Variants in ATP11A observed in about 807,000 individuals in gnomAD.
ATP11A encodes phospholipid-transporting ATPase IH.
A neutral mutation model predicts 154.4 loss-of-function variants in ATP11A; 81 were observed. The observed-to-expected ratio is 0.52, with a 90% CI of 0.44 to 0.63. The LOEUF is 0.63. Ranked by LOEUF, ATP11A falls within the 30% of genes least tolerant of loss-of-function variation. The pLI, the probability that ATP11A is intolerant of heterozygous loss-of-function variation, is 0.00. For synonymous variants in ATP11A, 623 were observed against 585.9 expected (o/e 1.06, Z -0.91); for missense variants, 1,316 against 1,474.3 (o/e 0.89, Z 1.76).
intron 19 of ATP11A, 72 bp from the exon 20 acceptor site, chr13:112,855,839 A>T: frequency 1.4e-6 from 2 of 1,421,878 alleles, no homozygotes; most frequent in Non-Finnish European, 1.9e-6. Context: ...TCGATATCCA[A>T]AAACAATACA....
chr13:112,856,823 A>G (rs1198683414), intron 20 of ATP11A: 1 of 152,212 alleles, frequency 6.6e-6, no homozygotes, highest in Non-Finnish European at 1.5e-5. Flanking sequence ...TTAAGGTAAA[A>G]TGCGTCTCAC....
At chr13:112,761,218 A>G (rs185744247) in intron 1 of ATP11A, among the ~76,000 whole-genome samples, 82 of 152,310 alleles carry the variant, frequency 5.4e-4, no homozygotes, top group Admixed American at 8.5e-4. Context: ...CCCAAAGCAC[A>G]AGAGCAGTGA....
intron 1 of ATP11A, among the ~76,000 whole-genome samples, chr13:112,783,175 G>A (rs1312657181): frequency 6.6e-6 from 1 of 152,208 alleles, no homozygotes; most frequent in Non-Finnish European, 1.5e-5. Flanking sequence ...CCTCTGAGAG[G>A]TTGGTAGGGG....
intron 1 of ATP11A, among the ~76,000 whole-genome samples, chr13:112,692,875 C>G (rs1885362291): frequency 1.3e-5 from 2 of 152,164 alleles, no homozygotes; most frequent in South Asian, 4.1e-4. Context: ...TTTCCTTTTG[C>G]TACAGAAAAA....
intron 12 of ATP11A, among the ~76,000 whole-genome samples, chr13:112,830,847 A>G (rs1414813871): frequency 6.6e-6 from 1 of 151,984 alleles, no homozygotes; most frequent in Non-Finnish European, 1.5e-5. Flanking sequence ...AACACATATC[A>G]CAGTTTTCTC....
rs149787552 is a variant in ATP11A, at chr13:112,862,513, C to A, written c.2929C>A (p.Leu977Met). Residue 977 changes from leucine to methionine, a missense_variant, in exon 25 of 30, where the codon CTG becomes ATG. Physicochemically the swap from Leu to Met is conservative, Grantham distance 15 (BLOSUM62 2). Transcript: ENST00000375645. ...YWTLLGLFDALVFFFGAYFVF... is the reference protein window; with the variant it reads ...YWTLLGLFDAMVFFFGAYFVF... ...GACGCTCCTGGGACTGTTTGACGCA[C>A]TGGTGTTCTTCTTTGGTGCTTATTT... 3 of 1,614,210 alleles carry A rather than the reference C, an allele frequency of 1.9e-6. No homozygotes were observed. The highest frequency in any genetic ancestry group is 2.7e-5 in the African/African-American group (2 of 75,060).
intron 2 of ATP11A, among the ~76,000 whole-genome samples, 197 bp from the exon 3 acceptor site, chr13:112,804,760 A>G (rs1362229984): frequency 8.5e-5 from 13 of 152,146 alleles, no homozygotes; most frequent in Non-Finnish European, 1.5e-5. Context: ...GGTAATTTAC[A>G]TACGTGTTTC....
At chr13:112,742,615 AT>A (rs1270148687) in intron 1 of ATP11A, among the ~76,000 whole-genome samples, 2 of 152,256 alleles carry the variant, frequency 1.3e-5, no homozygotes, top group African/African-American at 4.8e-5. Flanking sequence ...GCTACCGCTT[AT>A]GCCAGCTACC....
chr13:112,733,845 G>C (rs1428069654), intron 1 of ATP11A, among the ~76,000 whole-genome samples: 1 of 152,058 alleles, frequency 6.6e-6, no homozygotes, highest in African/African-American at 2.4e-5. Flanking sequence ...TCAGTGGACA[G>C]CCAAATCTCA....
At chr13:112,857,955 G>A (rs1594194426) in intron 21 of ATP11A, 35 bp downstream of exon 21, 1 of 1,607,052 alleles carries the variant, frequency 6.2e-7, no homozygotes, top group East Asian at 2.2e-5. Flanking sequence ...ACATCCTGGT[G>A]GCCAGGTCAC....
chr13:112,864,922 C>T (rs184085336), intron 25 of ATP11A, among the ~76,000 whole-genome samples: 7 of 55,550 alleles, frequency 1.3e-4, no homozygotes, highest in Non-Finnish European at 1.2e-4. Flanking sequence ...TCACCACCTG[C>T]GCAGTAATTC....
intron 1 of ATP11A, among the ~76,000 whole-genome samples, chr13:112,699,020 G>A (rs777785935): frequency 1.9e-4 from 29 of 152,190 alleles, no homozygotes; most frequent in Non-Finnish European, 2.2e-4. Flanking sequence ...CAGCCACCGC[G>A]CCTGGTCTTT....
Position 112,802,552 on chromosome 13 carries a change from CAAAAA to C in ATP11A, c.163-2388_163-2384del, listed in dbSNP as rs35889771. 2.7e-3 allele frequency among the ~76,000 whole-genome samples: 222 copies of C among 80,944 alleles called. 1 individual carries two copies. The highest frequency in any genetic ancestry group is 7.9e-3 in the Middle Eastern group (1 of 126). The allele number at this position is 80,944 out of a possible 152,430, so 53.1% of individuals were successfully genotyped here. A position where few individuals can be genotyped will look rare whatever the true frequency, so the allele number is the denominator to read the frequency against. On this transcript the variant is annotated intron_variant, in intron 2 of 29. Transcript: ENST00000375645. ...AATAGTGCTAGAAAAACTGGACATG[CAAAAA>C]AAAAAAAAAAAAAAAACCCAGCAAC...
intron 19 of ATP11A, 126 bp downstream of exon 19, chr13:112,854,656 T>C: frequency 1.7e-6 from 2 of 1,155,224 alleles, no homozygotes; most frequent in Non-Finnish European, 2.4e-6. Flanking sequence ...CCCTGGGGCA[T>C]TAATGCCAGC....
intron 1 of ATP11A, among the ~76,000 whole-genome samples, chr13:112,749,413 C>T (rs1594533424): frequency 6.6e-6 from 1 of 152,352 alleles, no homozygotes; most frequent in East Asian, 1.9e-4. Flanking sequence ...GAATTAACTA[C>T]ATTCTCAAAA....
intron 2 of ATP11A, among the ~76,000 whole-genome samples, chr13:112,799,733 C>T (rs2078084988): frequency 6.6e-6 from 1 of 152,202 alleles, no homozygotes; most frequent in South Asian, 2.1e-4. Flanking sequence ...AATAGCAGAC[C>T]ACACATTCTT....
chr13:112,873,582 G>T lies in ATP11A; in HGVS notation c.3067G>T (p.Asp1023Tyr). 2 of 1,603,948 alleles carry T rather than the reference G, an allele frequency of 1.2e-6. No individual in the cohort carries two copies. The highest frequency in any genetic ancestry group is 1.7e-5 in the Admixed American group (1 of 57,816). ...VFTVTLKLALDTHYWTWINHF... is the reference protein window; with the variant it reads ...VFTVTLKLALYTHYWTWINHF... ...TTTTTTTTCCTTTTAGCTTGCATTG[G>T]ACACACACTACTGGACTTGGATCAA... Residue 1023 changes from aspartate to tyrosine, a missense_variant, in exon 27 of 30, where the codon GAC becomes TAC. By Grantham distance (160) the Asp-to-Tyr change is radical. Coordinates refer to ENST00000375645, the MANE Select transcript of ATP11A (RefSeq NM_015205.3).
At chr13:112,767,475 C>T (rs1466195084) in intron 1 of ATP11A, among the ~76,000 whole-genome samples, 1 of 77,480 alleles carries the variant, frequency 1.3e-5, no homozygotes, top group African/African-American at 6.2e-5. Flanking sequence ...TGTGGGAGTG[C>T]TGGGAGCCCC....
chr13:112,864,525 G>A lies in ATP11A; in HGVS notation c.2991+1950G>A, dbSNP rs868614734. 2.7e-4 allele frequency among the ~76,000 whole-genome samples: 21 copies of A among 77,660 alleles called. 2 individuals are homozygous for A. The East Asian group carries it at 7.4e-3, about 27-fold the overall frequency. 50.9% of individuals were successfully genotyped at this position (77,660 alleles called of 152,430 possible). On this transcript the variant is annotated intron_variant, in intron 25 of 29. Coordinates refer to ENST00000375645, the MANE Select transcript of ATP11A (RefSeq NM_015205.3). The stretch of plus-strand genomic sequence containing the variant: ...AGTGCAGCCCGTGCAGCTTCCCAGC[G>A]GGGTCCATCACCACCTGCGCAGTAA...
Sources: gnomAD v4.1 joint callset for allele counts (sites outside exome capture counted in the v4.1 genomes callset) on GRCh38, gnomAD v4.1.1 for gene constraint, MANE v1.5 for transcripts, NCBI Gene and HGNC (gene_info 2026-07-23, HGNC 2026-07-21) for gene names.